RYR1: variants seen among roughly 807,000 people sequenced by gnomAD.
RYR1 encodes the protein ryanodine receptor 1.
RYR1 carries 342 observed loss-of-function variants against 583.5 expected under a neutral mutation model. That is an observed-to-expected ratio of 0.59 (90% confidence interval 0.54 to 0.64). RYR1 has a LOEUF of 0.64. Ranked by LOEUF, RYR1 falls within the 30% of genes least tolerant of loss-of-function variation. The probability of loss-of-function intolerance (pLI) is 0.00; values close to 1 mark genes in which losing one functional copy is unlikely to be tolerated. For missense variants in RYR1, 6,032 were observed against 6,917.2 expected (o/e 0.87, Z 4.54); for synonymous variants, 2,791 against 2,822.5 (o/e 0.99, Z 0.35).
intron 54 of RYR1, 128 bp downstream of exon 54, chr19:38,506,074 C>T (rs1970434025): frequency 7.7e-7 from 1 of 1,290,740 alleles, no homozygotes; most frequent in East Asian, 2.5e-5. Flanking sequence ...AAGAGGGGTG[C>T]AGAAACCTGA....
rs1229246649 is a variant in RYR1 at position 38,533,015 on chromosome 19, G to A, written c.11259+279G>A. Among the ~76,000 whole-genome samples, 4 of 151,056 alleles carry A rather than the reference G, an allele frequency of 2.6e-5. 1 individual carries two copies. Among genetic ancestry groups the A allele is most frequent in the African/African-American group, 2.4e-5 (1 of 41,208 alleles). ...AGGAGGCTCAGGCAGAGGGGTCAGGGTTGGGATGATGGGGATACAGGCAGA... is the reference window on the plus strand; with the variant it reads ...AGGAGGCTCAGGCAGAGGGGTCAGGATTGGGATGATGGGGATACAGGCAGA... On this transcript the variant is annotated intron_variant, in intron 78 of 105. Transcript: ENST00000359596.
intron 55 of RYR1, 42 bp downstream of exon 55, chr19:38,506,419 G>A (rs752780360): frequency 1.9e-6 from 3 of 1,613,376 alleles, no homozygotes; most frequent in Non-Finnish European, 2.5e-6. Context: ...GGGTGTCTTT[G>A]GGGGGGCTGG....
Position 38,452,812 on chromosome 19 carries a change from C to G in RYR1, c.1245-7C>G. Reference sequence around the variant, plus strand: ...AGCCGTGGCTGACAGCTGCGAGGTCCCTGTAGGAGCCTGGACAGCTTCAGC... The same window carrying G: ...AGCCGTGGCTGACAGCTGCGAGGTCGCTGTAGGAGCCTGGACAGCTTCAGC... On this transcript the variant is annotated splice_polypyrimidine_tract_variant and splice_region_variant and intron_variant, in intron 12 of 105. Transcript: ENST00000359596. 6.3e-7 allele frequency: 1 copy of G among 1,579,008 alleles called. No individual in the cohort carries two copies. The highest frequency in any genetic ancestry group is 1.1e-5 in the South Asian group (1 of 87,294).
At chr19:38,570,798 G>T in intron 94 of RYR1, 105 bp downstream of exon 94, 1 of 1,007,692 alleles carries the variant, frequency 9.9e-7, no homozygotes, top group Non-Finnish European at 1.6e-6. Flanking sequence ...AAGGGATAAG[G>T]TATTGGGCTT....
In RYR1 at chr19:38,579,970, G is replaced by C; in HGVS notation, c.14365-12G>C. Reference sequence around the variant, plus strand: ...TGCCTTCCCCCTGACCCCTGGCCCTGTGTGCCCACAGTCCTTCCTGTACCT... The same window carrying C: ...TGCCTTCCCCCTGACCCCTGGCCCTCTGTGCCCACAGTCCTTCCTGTACCT... On this transcript the variant is annotated splice_polypyrimidine_tract_variant and intron_variant, in intron 99 of 105. Coordinates refer to ENST00000359596, the MANE Select transcript of RYR1 (RefSeq NM_000540.3). The C allele has an allele frequency of 1.2e-6, 2 of 1,614,072 alleles. No homozygotes were observed. Among genetic ancestry groups the C allele is most frequent in the East Asian group, 2.2e-5 (1 of 44,872 alleles).
intron 3 of RYR1, among the ~76,000 whole-genome samples, chr19:38,443,055 A>G (rs558916300): frequency 6.6e-6 from 1 of 152,300 alleles, no homozygotes; most frequent in South Asian, 2.1e-4. Flanking sequence ...GTCTGCCCCA[A>G]GGTCCGGGTT....
intron 34 of RYR1, among the ~76,000 whole-genome samples, chr19:38,487,603 C>A (rs61665287): frequency 4.0e-5 from 6 of 151,580 alleles, no homozygotes; most frequent in African/African-American, 1.2e-4. Flanking sequence ...CTGCCCACCT[C>A]GTCCTCCCAA....
chr19:38,564,384 G>A (rs1973288929), intron 90 of RYR1, among the ~76,000 whole-genome samples: 1 of 152,154 alleles, frequency 6.6e-6, no homozygotes, highest in African/African-American at 2.4e-5. Flanking sequence ...ACTCAGCCCA[G>A]CATGGTGGCA....
rs193922805 is a variant in RYR1 at position 38,499,697 on chromosome 19, T to G, written c.7090T>G (p.Phe2364Val). Residue 2364 changes from phenylalanine (F) to valine (V), a missense_variant, in exon 44 of 106, where the codon TTC becomes GTC. By Grantham distance (50) the Phe-to-Val change is conservative. This residue lies in a region of RYR1 where 2,627 missense variants were observed against 2,961.3 expected (regional missense o/e 0.89). Transcript: ENST00000359596. This position sits in a 1 kb window ranked among gnomAD's most constrained non-coding sequence, Gnocchi z 7.3. ...GCTGCTCATCCGGAAGCCTGAGTGCTTCGGACCCGCCCTGCGGGGTGAGGG... is the reference window on the plus strand; with the variant it reads ...GCTGCTCATCCGGAAGCCTGAGTGCGTCGGACCCGCCCTGCGGGGTGAGGG... ...VRLLIRKPEC[F>V]GPALRGEGGS... The G allele has an allele frequency of 6.2e-6, 10 of 1,600,832 alleles. No homozygotes were observed. Among genetic ancestry groups the G allele is most frequent in the Non-Finnish European group, 8.5e-6 (10 of 1,179,788 alleles).
Position 38,500,295 on chromosome 19 carries a change from G to A in RYR1, c.7323+279G>A, listed in dbSNP as rs953333592. Among the ~76,000 whole-genome samples the A allele has an allele frequency of 3.3e-5, 5 of 150,720 alleles. No homozygotes were observed. The highest frequency in any genetic ancestry group is 6.6e-5 in the Admixed American group (1 of 15,118). ...GGGCTGGGATTGCAGGGCACACGGA[G>A]AGGACTCAGGATGGGGATGGGGAAC... On this transcript the variant is annotated intron_variant, in intron 45 of 105. Coordinates refer to ENST00000359596, the MANE Select transcript of RYR1 (RefSeq NM_000540.3). The surrounding 1 kb of genome is among the most constrained non-coding windows in gnomAD (Gnocchi z 5.9).
rs1427667134 is a variant in RYR1 at position 38,463,790 on chromosome 19, T to G, written c.2726T>G (p.Phe909Cys). Residue 909 changes from phenylalanine to cysteine, a missense_variant, in exon 22 of 106, where the codon TTC becomes TGC. By Grantham distance (205) the Phe-to-Cys change is radical. Transcript: ENST00000359596. The stretch of plus-strand genomic sequence containing the variant: ...AGGCTGCACCCGTGTCTTGTGGACT[T>G]CCACAGCCTTCCAGAGCCTGAGAGG... ...NKRLHPCLVD[F>C]HSLPEPERNY... 1 of 1,613,894 alleles carries G rather than the reference T, an allele frequency of 6.2e-7. No individual in the cohort carries two copies. Among genetic ancestry groups the G allele is most frequent in the Non-Finnish European group, 8.5e-7 (1 of 1,180,004 alleles).
intron 90 of RYR1, among the ~76,000 whole-genome samples, chr19:38,563,631 C>T (rs927209812): frequency 3.3e-5 from 5 of 152,188 alleles, no homozygotes; most frequent in African/African-American, 1.2e-4. Flanking sequence ...ACTCATTTAA[C>T]CCTCACACCA....
Position 38,523,917 on chromosome 19 carries a change from G to A in RYR1, c.10443G>A (p.Ala3481=), listed in dbSNP as rs375169031. The A allele has an allele frequency of 2.1e-5, 34 of 1,613,804 alleles. No individual in the cohort carries two copies. Among genetic ancestry groups the A allele is most frequent in the Non-Finnish European group, 2.5e-5 (29 of 1,179,994 alleles). ...TADNKSKMAK[A]GDIQSGGSDQ... is the part of the protein sequence containing the mutation. ...CTGTCTGCGGTCCGGTGAAGCAGGC[G>A]GGAGATATACAGGTCAGCCCCACAT... is the stretch of plus-strand genomic sequence containing the variant. Residue 3481 remains alanine, a splice_region_variant and synonymous_variant, in exon 70 of 106, where the codon GCG becomes GCA. Transcript: ENST00000359596.
At chr19:38,524,034 C>A in intron 70 of RYR1, 105 bp downstream of exon 70, 3 of 1,262,426 alleles carry the variant, frequency 2.4e-6, no homozygotes, top group Non-Finnish European at 3.4e-6. Flanking sequence ...CTGTTCCCCA[C>A]CCCCGTCCTC....
chr19:38,447,857 A>C (rs1481136527), intron 9 of RYR1, among the ~76,000 whole-genome samples: 1 of 143,850 alleles, frequency 7.0e-6, no homozygotes, highest in African/African-American at 2.7e-5. Flanking sequence ...AAAAAAAAAA[A>C]ACAAGCAAAA....
chr19:38,471,886 C>T (rs1215393296), intron 27 of RYR1, among the ~76,000 whole-genome samples: 3 of 125,738 alleles, frequency 2.4e-5, no homozygotes, highest in Admixed American at 9.7e-5. Flanking sequence ...TGGGTGACAG[C>T]GAGACTCTGT....
chr19:38,498,554 C>G (rs1386057089), intron 42 of RYR1, among the ~76,000 whole-genome samples: 1 of 152,156 alleles, frequency 6.6e-6, no homozygotes, highest in Non-Finnish European at 1.5e-5. Flanking sequence ...AAAAGAATGG[C>G]TAATCCATAG....
intron 71 of RYR1, 110 bp from the exon 72 acceptor site, chr19:38,526,883 C>A: frequency 8.3e-7 from 1 of 1,200,772 alleles, no homozygotes; most frequent in Non-Finnish European, 1.2e-6. Context: ...CACCCCCACC[C>A]CAGAAAAACC....
chr19:38,433,912 C>T (rs1449767441), intron 1 of RYR1, 38 bp downstream of exon 1: 1 of 1,581,338 alleles, frequency 6.3e-7, no homozygotes, highest in African/African-American at 1.3e-5. Flanking sequence ...GGGGCTATCT[C>T]TTGGGGCTCT....
Sources: allele counts gnomAD v4.1 joint callset (sites outside exome capture counted in the v4.1 genomes callset), GRCh38; gene constraint gnomAD v4.1.1; regional missense constraint gnomAD v4.1.1; non-coding constraint Gnocchi (gnomAD v3.1); transcripts MANE v1.5; gene names NCBI Gene and HGNC (gene_info 2026-07-23, HGNC 2026-07-21).